CNTN5: variants seen among roughly 807,000 people sequenced by gnomAD.
CNTN5 encodes the protein contactin-5.
Under a neutral mutation model 129.1 loss-of-function variants are expected in CNTN5, and 77 were observed. The ratio of observed to expected loss-of-function variants is 0.60; its 90% CI spans 0.50 to 0.72. CNTN5 has a LOEUF of 0.72. Among genes scored for constraint, CNTN5 ranks in the 30% least tolerant of loss-of-function variants. CNTN5 has a pLI of 0.00. For missense variants in CNTN5, 1,478 were observed against 1,328.8 expected (o/e 1.11, Z -1.75); for synonymous variants, 509 against 465.6 (o/e 1.09, Z -1.20).
chr11:99,615,502 T>G (rs1950732339), intron 3 of CNTN5, among the ~76,000 whole-genome samples: 1 of 152,202 alleles, frequency 6.6e-6, no homozygotes, highest in Non-Finnish European at 1.5e-5. Flanking sequence ...GTGATATCCC[T>G]TCTTCTGATG....
chr11:99,025,337 G>T (rs891476023), intron 1 of CNTN5, among the ~76,000 whole-genome samples: 1 of 151,836 alleles, frequency 6.6e-6, no homozygotes, highest in Admixed American at 6.6e-5. Flanking sequence ...TTTAGGCAAG[G>T]AATATTTCAT....
At chr11:99,935,766 A>C (rs999743821) in intron 7 of CNTN5, among the ~76,000 whole-genome samples, 1 of 152,128 alleles carries the variant, frequency 6.6e-6, no homozygotes, top group Non-Finnish European at 1.5e-5. Context: ...TTTGTGCACT[A>C]GTTTTGAATC....
chr11:99,462,143 A>G (rs1217068027), intron 2 of CNTN5, among the ~76,000 whole-genome samples: 1 of 152,098 alleles, frequency 6.6e-6, no homozygotes, highest in Non-Finnish European at 1.5e-5. Context: ...GTATAACATA[A>G]CCATTGAGAT....
At chr11:99,625,331 T>C (rs1951089721) in intron 3 of CNTN5, among the ~76,000 whole-genome samples, 1 of 152,136 alleles carries the variant, frequency 6.6e-6, no homozygotes. Context: ...CTCAAAGCAA[T>C]TGTGTTTCAG....
intron 9 of CNTN5, among the ~76,000 whole-genome samples, chr11:100,034,562 A>G (rs905725973): frequency 6.6e-6 from 1 of 152,142 alleles, no homozygotes; most frequent in Admixed American, 6.5e-5. Flanking sequence ...CTGCATACAG[A>G]GTGTCCTAAA....
chr11:99,830,116 T>A (rs1947091147), intron 4 of CNTN5, among the ~76,000 whole-genome samples: 1 of 152,096 alleles, frequency 6.6e-6, no homozygotes, highest in Non-Finnish European at 1.5e-5. Context: ...TAGGTCAAAC[T>A]TTTTTCGGGG....
At chr11:99,978,942 C>T (rs1173678874) in intron 8 of CNTN5, among the ~76,000 whole-genome samples, 1 of 152,154 alleles carries the variant, frequency 6.6e-6, no homozygotes, top group Non-Finnish European at 1.5e-5. Flanking sequence ...AGGCAGAGAG[C>T]TTTTGAGGTA....
chr11:99,785,746 A>G (rs141111634), intron 3 of CNTN5, among the ~76,000 whole-genome samples: 20 of 152,280 alleles, frequency 1.3e-4, no homozygotes, highest in African/African-American at 4.1e-4. Flanking sequence ...AGAACCAATG[A>G]CAGAAACCGC....
intron 1 of CNTN5, among the ~76,000 whole-genome samples, chr11:99,059,715 T>G (rs1864796258): frequency 6.6e-6 from 1 of 152,110 alleles, no homozygotes. Flanking sequence ...ATTCCTATAC[T>G]GTTTCATCTT....
In CNTN5 at chr11:100,071,740, C is replaced by A; in HGVS notation, c.1335C>A (p.Ile445=). 1.3e-6 allele frequency: 2 copies of A among 1,595,306 alleles called. No homozygotes were observed. Among genetic ancestry groups the A allele is most frequent in the Non-Finnish European group, 1.7e-6 (2 of 1,168,688 alleles). The part of the protein sequence containing the change: ...RVEMVNGVLM[I]HNVNQSDAGM... ...AGATGGTTAATGGAGTATTGATGAT[C>A]CACAATGTGAATCAATCAGATGCTG... The change falls in exon 12 of 25, where the codon ATC becomes ATA. Residue 445 remains isoleucine, a synonymous_variant. Coordinates refer to ENST00000524871, the MANE Select transcript of CNTN5 (RefSeq NM_014361.4).
At chr11:99,122,379 A>G (rs983116215) in intron 1 of CNTN5, among the ~76,000 whole-genome samples, 2 of 152,160 alleles carry the variant, frequency 1.3e-5, no homozygotes, top group Non-Finnish European at 2.9e-5. Context: ...CATCTTAGGA[A>G]AGCTTAAAAA....
At chr11:99,811,541 G>A (rs906500876) in intron 3 of CNTN5, among the ~76,000 whole-genome samples, 61 of 150,434 alleles carry the variant, frequency 4.1e-4, no homozygotes, top group African/African-American at 1.4e-3. Context: ...GGATGGCAAT[G>A]TTATGATCTC....
intron 3 of CNTN5, among the ~76,000 whole-genome samples, chr11:99,621,425 ATATT>A (rs1212505075): frequency 6.6e-6 from 1 of 152,202 alleles, no homozygotes; most frequent in African/African-American, 2.4e-5. Flanking sequence ...ATATTTTTTC[ATATT>A]TAAAGTGAAT....
intron 13 of CNTN5, among the ~76,000 whole-genome samples, chr11:100,172,294 T>A (rs1392541382): frequency 6.6e-6 from 1 of 151,978 alleles, no homozygotes; most frequent in Non-Finnish European, 1.5e-5. Flanking sequence ...TCTGATAAAT[T>A]AATTACATTA....
chr11:99,299,597 C>A (rs1320298970), intron 1 of CNTN5, among the ~76,000 whole-genome samples: 1 of 152,086 alleles, frequency 6.6e-6, no homozygotes, highest in Non-Finnish European at 1.5e-5. Context: ...CCATTGTATA[C>A]CCATATATGT....
chr11:100,165,384 G>A (rs1420172031), intron 13 of CNTN5, among the ~76,000 whole-genome samples: 3 of 151,634 alleles, frequency 2.0e-5, no homozygotes, highest in African/African-American at 4.8e-5. Context: ...TATTTACTGA[G>A]CAAAGAAATG....
At chr11:99,972,774 GAGAGGATTGGA>G (rs1454929210) in intron 8 of CNTN5, among the ~76,000 whole-genome samples, 1 of 152,158 alleles carries the variant, frequency 6.6e-6, no homozygotes, top group Admixed American at 6.5e-5. Flanking sequence ...TTTCCTCAGA[GAGAGGATTGGA>G]AGAGGATTGG....
At chr11:99,094,327 T>TC (rs1306747034) in intron 1 of CNTN5, among the ~76,000 whole-genome samples, 1 of 152,014 alleles carries the variant, frequency 6.6e-6, no homozygotes, top group Non-Finnish European at 1.5e-5. Context: ...ATTGATTCAG[T>TC]CTGAGGGAAC....
intron 1 of CNTN5, among the ~76,000 whole-genome samples, chr11:99,181,174 A>T (rs754748488): frequency 4.6e-5 from 7 of 152,106 alleles, no homozygotes; most frequent in Non-Finnish European, 7.4e-5. Flanking sequence ...GGAGGGGACT[A>T]TTATCCTGGA....
Sources: gnomAD v4.1 joint callset for allele counts (sites outside exome capture counted in the v4.1 genomes callset) on GRCh38, gnomAD v4.1.1 for gene constraint, MANE v1.5 for transcripts, NCBI Gene and HGNC (gene_info 2026-07-23, HGNC 2026-07-21) for gene names.